The following COP1 variants were observed in gnomAD, a reference collection of about 807,000 sequenced individuals.
The protein encoded by COP1 is COP1 E3 ubiquitin ligase, also known as E3 ubiquitin-protein ligase COP1.
In COP1, 24 loss-of-function variants were observed where a neutral mutation model predicts 101.3. That is an observed-to-expected ratio of 0.24 (90% CI 0.17 to 0.33). COP1 has a LOEUF of 0.33. COP1 is among the 10% of genes least tolerant of loss of function. The probability of loss-of-function intolerance (pLI) is 1.00; values close to 1 mark genes in which losing one functional copy is unlikely to be tolerated. For missense variants in COP1, 663 were observed against 906.2 expected (o/e 0.73, Z 3.45); for synonymous variants, 347 against 341.9 (o/e 1.01, Z -0.17).
Position 176,070,438 on chromosome 1 carries a change from G to A in COP1, c.1277+10714C>T, listed in dbSNP as rs866621037. Among the ~76,000 whole-genome samples the A allele has an allele frequency of 1.3e-4, 19 of 151,842 alleles. No homozygotes were observed. The Middle Eastern group carries it at 0.01, about 82-fold the overall frequency. On this transcript the variant is annotated intron_variant, in intron 11 of 19. Coordinates refer to ENST00000367669, the MANE Select transcript of COP1 (RefSeq NM_022457.7). ...AGCACTTTGGGAGGCCGAGGTGGGT[G>A]GATCCCTGAGGTCAGGAGTTCGAGA...
At chr1:176,111,441 G>A (rs892081808) in intron 9 of COP1, among the ~76,000 whole-genome samples, 8 of 151,854 alleles carry the variant, frequency 5.3e-5, no homozygotes, top group Middle Eastern at 3.4e-3. Flanking sequence ...CTACAGGTGC[G>A]CACCACCATG....
At chr1:176,141,225 G>A (rs1690624728) in intron 6 of COP1, among the ~76,000 whole-genome samples, 1 of 152,232 alleles carries the variant, frequency 6.6e-6, no homozygotes, top group Admixed American at 6.5e-5. Flanking sequence ...AGCAAGGCTA[G>A]GTGCGGTGGC....
chr1:175,999,617 GTA>G (rs1440024172), intron 15 of COP1, among the ~76,000 whole-genome samples: 2 of 152,026 alleles, frequency 1.3e-5, no homozygotes, highest in Non-Finnish European at 2.9e-5. Context: ...TTTCTGTTGG[GTA>G]TATACCCAGC....
At chr1:176,176,749 A>T (rs1252333450) in intron 2 of COP1, among the ~76,000 whole-genome samples, 3 of 152,196 alleles carry the variant, frequency 2.0e-5, no homozygotes. Flanking sequence ...TCAGGGCTAC[A>T]GTGAGCCATG....
chr1:176,065,714 T>G (rs1200155159), intron 11 of COP1, among the ~76,000 whole-genome samples: 4 of 149,938 alleles, frequency 2.7e-5, no homozygotes, highest in East Asian at 1.9e-4. Flanking sequence ...ATTTTTTTTT[T>G]TTTTTTTTTT....
chr1:175,945,426 G>A (rs1649043933), intron 19 of COP1, among the ~76,000 whole-genome samples: 1 of 152,132 alleles, frequency 6.6e-6, no homozygotes, highest in African/African-American at 2.4e-5. Flanking sequence ...TAAAACACAT[G>A]GAAAAATAAA....
chr1:176,142,463 A>G (rs1690850250), intron 6 of COP1, among the ~76,000 whole-genome samples: 1 of 152,182 alleles, frequency 6.6e-6, no homozygotes, highest in South Asian at 2.1e-4. Flanking sequence ...TATGCTATCT[A>G]TAAGAAATTC....
At chr1:176,152,281 C>T (rs1192406916) in intron 5 of COP1, among the ~76,000 whole-genome samples, 1 of 151,556 alleles carries the variant, frequency 6.6e-6, no homozygotes, top group East Asian at 1.9e-4. Flanking sequence ...AAAAATTATA[C>T]ATAATAGAGA....
chr1:176,183,148 G>A (rs1039233798), intron 2 of COP1, among the ~76,000 whole-genome samples: 1 of 152,146 alleles, frequency 6.6e-6, no homozygotes, highest in Non-Finnish European at 1.5e-5. Flanking sequence ...CTAGCAGAGG[G>A]AATACACCTA....
intron 7 of COP1, 34 bp downstream of exon 7, chr1:176,136,454 T>C (rs1264389965): frequency 4.2e-6 from 6 of 1,435,056 alleles, no homozygotes; most frequent in South Asian, 1.2e-5. Flanking sequence ...AATTGAAAAA[T>C]TGCTAAGGAT....
intron 10 of COP1, among the ~76,000 whole-genome samples, chr1:176,083,697 A>G (rs1286454064): frequency 4.1e-3 from 9 of 2,182 alleles, no homozygotes; most frequent in Non-Finnish European, 0.036. Flanking sequence ...TAATAGTTGG[A>G]AATAAAAGAG....
Position 176,184,644 on chromosome 1 carries a change from G to C in COP1, c.456C>G (p.Gly152=), listed in dbSNP as rs762194332. ...TAGAATTGTCTTACCAAAAGCTGTG[G>C]CCACATTTTGTCATGTATGCTTCTT... ...MIEEAYMTKC[G]HSFCYKCIHQ... is the part of the protein sequence containing the mutation. The change falls in exon 2 of 20, where the codon GGC becomes GGG. Residue 152 remains glycine, a synonymous_variant. Transcript: ENST00000367669. 6.2e-7 allele frequency: 1 copy of C among 1,603,596 alleles called. No homozygotes were observed. The highest frequency in any genetic ancestry group is 1.1e-5 in the South Asian group (1 of 89,284).
At chr1:176,054,455 C>T (rs971088462) in intron 11 of COP1, among the ~76,000 whole-genome samples, 1 of 152,086 alleles carries the variant, frequency 6.6e-6, no homozygotes, top group African/African-American at 2.4e-5. Flanking sequence ...ACCCACTGCA[C>T]CCGGCCAAAT....
chr1:176,065,768 C>T (rs1014692476), intron 11 of COP1, among the ~76,000 whole-genome samples: 71 of 143,118 alleles, frequency 5.0e-4, no homozygotes, highest in Non-Finnish European at 7.5e-5. Flanking sequence ...AGTGCAGTGG[C>T]GCAATCTTGG....
chr1:176,122,736 T>C (rs567151756), intron 8 of COP1, among the ~76,000 whole-genome samples: 41 of 152,298 alleles, frequency 2.7e-4, no homozygotes, highest in African/African-American at 8.7e-4. Flanking sequence ...GTTTATTACA[T>C]AATAATTCTG....
At chr1:175,973,931 G>A (rs1335062316) in intron 18 of COP1, among the ~76,000 whole-genome samples, 3 of 152,184 alleles carry the variant, frequency 2.0e-5, no homozygotes, top group African/African-American at 7.2e-5. Context: ...CGGTGTTTGA[G>A]GATCCTACAG....
At chr1:176,094,928 T>C (rs1357095043) in intron 9 of COP1, among the ~76,000 whole-genome samples, 2 of 152,168 alleles carry the variant, frequency 1.3e-5, no homozygotes, top group African/African-American at 4.8e-5. Flanking sequence ...CAATGAGATC[T>C]TCAAAAGACT....
intron 2 of COP1, among the ~76,000 whole-genome samples, chr1:176,182,361 TC>T (rs1019687093): frequency 6.6e-6 from 1 of 152,196 alleles, no homozygotes; most frequent in Non-Finnish European, 1.5e-5. Flanking sequence ...TCTAACAATA[TC>T]AAGAACTTGT....
At chr1:175,955,795 C>CACACACACACAT (rs979274924) in intron 18 of COP1, among the ~76,000 whole-genome samples, 2 of 151,414 alleles carry the variant, frequency 1.3e-5, no homozygotes, top group African/African-American at 4.8e-5. Flanking sequence ...CACACACACA[C>CACACACACACAT]ACACACGGCC....
Sources: allele counts gnomAD v4.1 joint callset (sites outside exome capture counted in the v4.1 genomes callset), GRCh38; gene constraint gnomAD v4.1.1; transcripts MANE v1.5; gene names NCBI Gene and HGNC (gene_info 2026-07-23, HGNC 2026-07-21).